UBE2G2: variants seen among roughly 807,000 people sequenced by gnomAD.
UBE2G2 encodes the protein ubiquitin-conjugating enzyme E2 G2.
Under a neutral mutation model 23.0 loss-of-function variants are expected in UBE2G2, and 10 were observed. The observed-to-expected ratio is 0.43, with a 90% CI of 0.27 to 0.74. The LOEUF is 0.74. Ranked by LOEUF, UBE2G2 falls within the 30% of genes least tolerant of loss-of-function variation. The probability of loss-of-function intolerance (pLI) is 0.19; values close to 1 mark genes in which losing one functional copy is unlikely to be tolerated. For synonymous variants in UBE2G2, 86 were observed against 81.3 expected (o/e 1.06, Z -0.31); for missense variants, 150 against 218.3 (o/e 0.69, Z 1.97).
At chr21:44,793,913 T>A (rs1269911625) in intron 1 of UBE2G2, among the ~76,000 whole-genome samples, 5 of 152,098 alleles carry the variant, frequency 3.3e-5, no homozygotes, top group Non-Finnish European at 5.9e-5. Context: ...AGAGGACCAG[T>A]CAAATTATGA....
At chr21:44,777,699 T>G (rs2082923689) in intron 3 of UBE2G2, among the ~76,000 whole-genome samples, 1 of 152,008 alleles carries the variant, frequency 6.6e-6, no homozygotes, top group South Asian at 2.1e-4. Flanking sequence ...TCCCAGCTAC[T>G]TGGGAGGCTG....
rs142613421 is a variant in UBE2G2, at chr21:44,792,084, C to T, written c.44-3989G>A. Among the ~76,000 whole-genome samples the T allele has an allele frequency of 6.6e-3, 1,006 of 152,302 alleles. 4 individuals carry two copies. Among genetic ancestry groups the T allele is most frequent in the South Asian group, 0.014 (67 of 4,826 alleles). ...TTCCATTGGTAATGGGAGTATTTAT[C>T]CAATGCCTGTATTTCCATTGTATCT... On this transcript the variant is annotated intron_variant, in intron 1 of 5. Transcript: ENST00000345496.
In UBE2G2 at chr21:44,771,150, G is replaced by A; in HGVS notation, c.*227C>T. The A allele has an allele frequency of 1.9e-6, 1 of 528,444 alleles. No individual in the cohort carries two copies. The highest frequency in any genetic ancestry group is 1.9e-5 in the African/African-American group (1 of 52,262). 32.7% of individuals were successfully genotyped at this position (528,444 alleles called of 1,614,324 possible). The stretch of plus-strand genomic sequence containing the variant: ...TGATAATCTACCTGAAGCCCTTTGT[G>A]AGGAATACTGTAAAACTGCAGTAAG... On this transcript the variant is annotated 3_prime_UTR_variant, in exon 6 of 6. Transcript: ENST00000345496. This position sits in a 1 kb window ranked among gnomAD's most constrained non-coding sequence, Gnocchi z 4.6.
At chr21:44,788,623 T>A (rs1293415040) in intron 1 of UBE2G2, among the ~76,000 whole-genome samples, 1 of 81,732 alleles carries the variant, frequency 1.2e-5, no homozygotes, top group African/African-American at 3.7e-5. Context: ...CATAGACTTT[T>A]CTTTTTCTTT....
chr21:44,779,269 G>C (rs1360292450), intron 3 of UBE2G2: 7 of 411,128 alleles, frequency 1.7e-5, no homozygotes, highest in East Asian at 1.7e-4. Context: ...ATGGAGACAA[G>C]ATTTTTCAAT....
chr21:44,781,448 G>A (rs909182997), intron 3 of UBE2G2, among the ~76,000 whole-genome samples: 3 of 152,224 alleles, frequency 2.0e-5, no homozygotes, highest in Non-Finnish European at 4.4e-5. Context: ...ACCAAGGTGG[G>A]CTGCACACAC....
At position 44,771,797 on chromosome 21, in the gene UBE2G2, C is replaced by T. The variant is rs2082877024; in HGVS notation, c.386-308G>A. 6.6e-6 allele frequency among the ~76,000 whole-genome samples: 1 copy of T among 152,224 alleles called. No homozygotes were observed. The highest frequency in any genetic ancestry group is 2.1e-4 in the South Asian group (1 of 4,836). On this transcript the variant is annotated intron_variant, in intron 5 of 5. Transcript: ENST00000345496. This position sits in a 1 kb window ranked among gnomAD's most constrained non-coding sequence, Gnocchi z 4.6. ...GGCCCACACGGCCTCCCACAGCAGCCTCCTGGGCCACTGCACTTCTGGCAC... is the reference window on the plus strand; with the variant it reads ...GGCCCACACGGCCTCCCACAGCAGCTTCCTGGGCCACTGCACTTCTGGCAC...
intron 3 of UBE2G2, among the ~76,000 whole-genome samples, chr21:44,785,943 T>C (rs1168651736): frequency 6.6e-6 from 1 of 152,268 alleles, no homozygotes; most frequent in African/African-American, 2.4e-5. Context: ...ATTGGTTTAA[T>C]TTTACACTGT....
At chr21:44,776,682 G>C (rs906662155) in intron 4 of UBE2G2, among the ~76,000 whole-genome samples, 1 of 152,158 alleles carries the variant, frequency 6.6e-6, no homozygotes, top group African/African-American at 2.4e-5. Flanking sequence ...CTGTTCTCGT[G>C]ATAGTGTACA....
At chr21:44,787,410 G>A (rs941797518) in intron 3 of UBE2G2, among the ~76,000 whole-genome samples, 2 of 152,124 alleles carry the variant, frequency 1.3e-5, no homozygotes, top group Non-Finnish European at 2.9e-5. Context: ...TCCAGACAAG[G>A]CAACAGAAAA....
At chr21:44,784,426 G>A (rs1366523189) in intron 3 of UBE2G2, among the ~76,000 whole-genome samples, 1 of 151,850 alleles carries the variant, frequency 6.6e-6, no homozygotes, top group Non-Finnish European at 1.5e-5. Context: ...TATTATTACT[G>A]CAATGAATGT....
At chr21:44,798,910 T>C (rs1352706319) in intron 1 of UBE2G2, among the ~76,000 whole-genome samples, 1 of 152,358 alleles carries the variant, frequency 6.6e-6, no homozygotes, top group East Asian at 1.9e-4. Context: ...ATGGCAGCTA[T>C]GGCCTTATGA....
At chr21:44,776,356 G>A (rs943625968) in intron 4 of UBE2G2, among the ~76,000 whole-genome samples, 5 of 151,784 alleles carry the variant, frequency 3.3e-5, no homozygotes, top group East Asian at 1.9e-4. Context: ...ATTTCAATCT[G>A]AAAAAAGAAT....
rs531557098 is a variant in UBE2G2 at position 44,771,650 on chromosome 21, T to G, written c.386-161A>C. On this transcript the variant is annotated intron_variant, in intron 5 of 5. Coordinates refer to ENST00000345496, the MANE Select transcript of UBE2G2 (RefSeq NM_003343.6). The surrounding 1 kb of genome is among the most constrained non-coding windows in gnomAD (Gnocchi z 4.6). ...CATGGGGTCGGCCCCACCTCTAGAG[T>G]GCTGGCCACGCAGGTCTCAACGAAA... Among the ~76,000 whole-genome samples the G allele has an allele frequency of 3.9e-5, 6 of 152,066 alleles. No individual in the cohort carries two copies. The highest frequency in any genetic ancestry group is 4.4e-5 in the Non-Finnish European group (3 of 67,964).
chr21:44,801,305 G>C (rs1412135774), intron 1 of UBE2G2: 2 of 1,030,960 alleles, frequency 1.9e-6, no homozygotes, highest in Non-Finnish European at 2.3e-6. Context: ...CCACCAACGA[G>C]CCTTTCCCCT....
chr21:44,785,303 G>C (rs782049976), intron 3 of UBE2G2, among the ~76,000 whole-genome samples: 4 of 152,198 alleles, frequency 2.6e-5, no homozygotes, highest in Non-Finnish European at 5.9e-5. Context: ...AGGGTCAGCA[G>C]AGTTATTCCC....
chr21:44,773,377 G>A (rs782706552), intron 5 of UBE2G2, among the ~76,000 whole-genome samples, 170 bp downstream of exon 5: 2 of 152,202 alleles, frequency 1.3e-5, no homozygotes, highest in Non-Finnish European at 2.9e-5. Context: ...ATGCTAGAAG[G>A]TATGCTTACA....
At chr21:44,787,036 G>A (rs1030244277) in intron 3 of UBE2G2, among the ~76,000 whole-genome samples, 9 of 151,202 alleles carry the variant, frequency 6.0e-5, no homozygotes, top group African/African-American at 2.2e-4. Context: ...GAGTTGCAGT[G>A]AGCCAAGGTT....
intron 5 of UBE2G2, among the ~76,000 whole-genome samples, 196 bp downstream of exon 5, chr21:44,773,351 T>C (rs186516168): frequency 5.3e-5 from 8 of 152,206 alleles, no homozygotes; most frequent in Admixed American, 5.2e-4. Context: ...GACAATACAA[T>C]ATACAACCCC....
Sources: gnomAD v4.1 joint callset for allele counts (sites outside exome capture counted in the v4.1 genomes callset) on GRCh38, gnomAD v4.1.1 for gene constraint, Gnocchi (gnomAD v3.1) non-coding constraint, MANE v1.5 for transcripts, NCBI Gene and HGNC (gene_info 2026-07-23, HGNC 2026-07-21) for gene names.